MYH15: variants seen among roughly 807,000 people sequenced by gnomAD.
The protein encoded by MYH15 is myosin-15.
In MYH15, 227 loss-of-function variants were observed where a neutral mutation model predicts 240.5. The observed-to-expected ratio is 0.94, with a 90% CI of 0.85 to 1.05. The LOEUF (loss-of-function observed/expected upper bound fraction) is 1.05, where lower values mean the gene tolerates loss of function less well. MYH15 is among the 50% of genes least tolerant of loss of function. MYH15 has a pLI of 0.00. For missense variants in MYH15, 2,217 were observed against 2,247.5 expected (o/e 0.99, Z 0.27); for synonymous variants, 785 against 796.7 (o/e 0.99, Z 0.25).
At chr3:108,397,532 C>T (rs945226089) in intron 35 of MYH15, among the ~76,000 whole-genome samples, 1 of 152,166 alleles carries the variant, frequency 6.6e-6, no homozygotes, top group Admixed American at 6.5e-5. Flanking sequence ...TTTTTTAGGA[C>T]AGTGGAGACA....
At chr3:108,404,412 G>C (rs2082530973) in intron 33 of MYH15, among the ~76,000 whole-genome samples, 1 of 152,092 alleles carries the variant, frequency 6.6e-6, no homozygotes, top group South Asian at 2.1e-4. Context: ...GCTGACATAT[G>C]GCATTGACTT....
chr3:108,381,117 G>C lies in MYH15; in HGVS notation c.*428C>G, dbSNP rs563654195. 163 of 191,772 alleles carry C rather than the reference G, an allele frequency of 8.5e-4. No individual in the cohort carries two copies. The highest frequency in any genetic ancestry group is 1.4e-3 in the Non-Finnish European group (130 of 93,002). The allele number at this position is 191,772 out of a possible 1,614,324, so 11.9% of individuals were successfully genotyped here. A position where few individuals can be genotyped will look rare whatever the true frequency, so the allele number is the denominator to read the frequency against. ...CTCACAATATACATTCATAGATTTA[G>C]GGGTGAATCAAGCCAAAGTTGCCTA... On this transcript the variant is annotated 3_prime_UTR_variant, in exon 41 of 41. Coordinates refer to ENST00000693548, the MANE Select transcript of MYH15 (RefSeq NM_014981.3).
intron 30 of MYH15, among the ~76,000 whole-genome samples, chr3:108,411,158 C>T (rs2107548404): frequency 6.6e-6 from 1 of 152,290 alleles, no homozygotes; most frequent in East Asian, 1.9e-4. Flanking sequence ...TCCCCCTTTG[C>T]CAACCTGCAC....
intron 11 of MYH15, among the ~76,000 whole-genome samples, chr3:108,478,629 T>C (rs2083239847): frequency 6.6e-6 from 1 of 150,968 alleles, no homozygotes; most frequent in Non-Finnish European, 1.5e-5. Flanking sequence ...TGAGTGGAGA[T>C]GAACAGTAAC....
intron 28 of MYH15, among the ~76,000 whole-genome samples, chr3:108,418,142 AGTTT>A (rs1054669534): frequency 5.3e-5 from 8 of 152,210 alleles, no homozygotes; most frequent in African/African-American, 1.9e-4. Flanking sequence ...AAATAAGCCT[AGTTT>A]GTTTGTCAGT....
rs1413875702 is a variant in MYH15 at position 108,501,762 on chromosome 3, C to T, written c.289G>A (p.Ala97Thr). The T allele has an allele frequency of 1.2e-6, 2 of 1,614,084 alleles. No homozygotes were observed. Among genetic ancestry groups the T allele is most frequent in the South Asian group, 2.2e-5 (2 of 91,082 alleles). The change falls in exon 3 of 41, where the codon GCA becomes ACA. Residue 97 changes from alanine (A) to threonine (T), a missense_variant. Coordinates refer to ENST00000693548, the MANE Select transcript of MYH15 (RefSeq NM_014981.3). ...CGCTTCAGGGTATGCAGCACGGATG[C>T]CTCATTGAGGTGAGTCAGCATTGCC... ...DMAMLTHLNE[A>T]SVLHTLKRRY...
chr3:108,518,400 G>A (rs1324090445), intron 1 of MYH15, among the ~76,000 whole-genome samples: 5 of 152,092 alleles, frequency 3.3e-5, no homozygotes, highest in Admixed American at 6.5e-5. Context: ...TCTGGATCAA[G>A]GCCATCATCA....
At chr3:108,422,911 T>A (rs1371801359) in intron 27 of MYH15, among the ~76,000 whole-genome samples, 1 of 152,212 alleles carries the variant, frequency 6.6e-6, no homozygotes, top group African/African-American at 2.4e-5. Flanking sequence ...AGGCCATCTC[T>A]AGCTGGAACC....
chr3:108,470,392 C>T (rs565817523), intron 13 of MYH15, among the ~76,000 whole-genome samples, 180 bp from the exon 14 acceptor site: 1 of 152,004 alleles, frequency 6.6e-6, no homozygotes, highest in Non-Finnish European at 1.5e-5. Flanking sequence ...TCATTAAGTA[C>T]AATTTTCTAA....
In MYH15 at chr3:108,473,507, C is replaced by A. The variant is rs369117010; in HGVS notation, c.1234-2660G>T. ...TGCTTTTATCACTTTCTCATCCTCA[C>A]CCCAGTATTTACTTACTAGTTGTGT... On this transcript the variant is annotated intron_variant, in intron 12 of 40. Transcript: ENST00000693548. Among the ~76,000 whole-genome samples, 147 of 152,278 alleles carry A rather than the reference C, an allele frequency of 9.7e-4. 1 individual carries two copies. The South Asian group carries it at 0.03, about 31-fold the overall frequency.
rs757610613 is a variant in MYH15, at chr3:108,476,495, G to A, written c.1135C>T (p.Leu379Phe). Residue 379 changes from leucine to phenylalanine, a missense_variant, in exon 12 of 41, where the codon CTC becomes TTC. By Grantham distance (22) the Leu-to-Phe change is conservative. Coordinates refer to ENST00000693548, the MANE Select transcript of MYH15 (RefSeq NM_014981.3). The stretch of plus-strand genomic sequence containing the variant: ...AACTCAGAGGAGTTAATGCCCATGA[G>A]GAAAGCAGCTTTGTCAGCATCTGGT... ...GTENADKAAF[L>F]MGINSSELVK... The A allele has an allele frequency of 6.2e-7, 1 of 1,611,998 alleles. No individual in the cohort carries two copies. The highest frequency in any genetic ancestry group is 1.1e-5 in the South Asian group (1 of 90,978).
At chr3:108,387,099 A>G (rs1450309156) in intron 38 of MYH15, among the ~76,000 whole-genome samples, 1 of 152,222 alleles carries the variant, frequency 6.6e-6, no homozygotes, top group Admixed American at 6.5e-5. Flanking sequence ...GAGTGGGACC[A>G]CACTTGACTC....
chr3:108,410,008 A>G (rs962167762), intron 31 of MYH15, among the ~76,000 whole-genome samples: 2 of 152,208 alleles, frequency 1.3e-5, no homozygotes, highest in African/African-American at 4.8e-5. Flanking sequence ...TCAGTAGTTA[A>G]GTGCGTATAT....
rs1316611908 is a variant in MYH15, at chr3:108,464,637, C to G, written c.1731+1G>C. The stretch of plus-strand genomic sequence containing the variant: ...AGACCGGGGGTCCAGAGGTAACTCA[C>G]CACTCCTGCATAATGGACAAGTTCA... On this transcript the variant is annotated splice_donor_variant, in intron 15 of 40. Transcript: ENST00000693548. LOFTEE classifies it high-confidence loss of function. 1.2e-6 allele frequency: 2 copies of G among 1,605,830 alleles called. No individual in the cohort carries two copies. Among genetic ancestry groups the G allele is most frequent in the Admixed American group, 3.4e-5 (2 of 58,490 alleles).
At chr3:108,498,831 C>T (rs2083414070) in intron 5 of MYH15, among the ~76,000 whole-genome samples, 1 of 152,204 alleles carries the variant, frequency 6.6e-6, no homozygotes, top group East Asian at 1.9e-4. Context: ...GGTGGTAACA[C>T]CATCATTGCA....
At chr3:108,509,740 A>C (rs1164006064) in intron 1 of MYH15, among the ~76,000 whole-genome samples, 1 of 152,218 alleles carries the variant, frequency 6.6e-6, no homozygotes. Context: ...CTGAAATTCA[A>C]CACAGACATG....
chr3:108,424,520 T>C (rs2082711318), intron 27 of MYH15, among the ~76,000 whole-genome samples: 1 of 152,226 alleles, frequency 6.6e-6, no homozygotes, highest in Non-Finnish European at 1.5e-5. Flanking sequence ...GGCACATTTA[T>C]CTTATAGCTG....
the MYH15 span, among the ~76,000 whole-genome samples, chr3:108,545,309 T>C: frequency 6.6e-6 from 1 of 152,114 alleles, no homozygotes; most frequent in Non-Finnish European, 1.5e-5. Context: ...ACAGAGAATC[T>C]TTACCGTTCA....
the MYH15 span, among the ~76,000 whole-genome samples, chr3:108,542,910 T>C: frequency 3.4e-5 from 5 of 148,756 alleles, no homozygotes; most frequent in South Asian, 1.1e-3. Context: ...AGATGGAGTC[T>C]TGCTCTGTTG....
Sources: gnomAD v4.1 joint callset for allele counts (sites outside exome capture counted in the v4.1 genomes callset) on GRCh38, gnomAD v4.1.1 for gene constraint, MANE v1.5 for transcripts, NCBI Gene and HGNC (gene_info 2026-07-23, HGNC 2026-07-21) for gene names.